TRPC4AP: variants seen among roughly 807,000 people sequenced by gnomAD.
TRPC4AP encodes the protein transient receptor potential cation channel subfamily C member 4 associated protein.
TRPC4AP carries 45 observed loss-of-function variants against 99.0 expected under a neutral mutation model. The ratio of observed to expected loss-of-function variants is 0.45; its 90% CI spans 0.36 to 0.58. The LOEUF (loss-of-function observed/expected upper bound fraction) is 0.58, where lower values mean the gene tolerates loss of function less well. TRPC4AP is among the 20% of genes least tolerant of loss of function. The pLI, the probability that TRPC4AP is intolerant of heterozygous loss-of-function variation, is 0.00. For synonymous variants in TRPC4AP, 408 were observed against 385.8 expected, an observed-to-expected ratio of 1.06 and a Z score of -0.67; for missense variants, 879 against 985.3, an observed-to-expected ratio of 0.89 and a Z score of 1.44.
At chr20:35,074,834 T>C (rs180872711) in intron 2 of TRPC4AP, among the ~76,000 whole-genome samples, 216 of 152,324 alleles carry the variant, frequency 1.4e-3, no homozygotes, top group Non-Finnish European at 2.4e-3. Flanking sequence ...CTGTTAACTT[T>C]CTGTCTCGTT....
chr20:35,060,585 CAAAAAAAAAAAAAAA>C (rs35143678), intron 3 of TRPC4AP, among the ~76,000 whole-genome samples: 2 of 70,382 alleles, frequency 2.8e-5, no homozygotes, highest in Non-Finnish European at 5.1e-5. Flanking sequence ...ACCTTGTCTC[CAAAAAAAAAAAAAAA>C]AAAAAAAAAA....
At chr20:35,075,247 G>C (rs1479594194) in intron 2 of TRPC4AP, among the ~76,000 whole-genome samples, 18 of 152,088 alleles carry the variant, frequency 1.2e-4, no homozygotes, top group Admixed American at 6.5e-5. Flanking sequence ...GGAGCATTTA[G>C]CCCATTTACA....
At chr20:35,084,765 T>C (rs1256499119) in intron 1 of TRPC4AP, among the ~76,000 whole-genome samples, 1 of 150,256 alleles carries the variant, frequency 6.7e-6, no homozygotes, top group Non-Finnish European at 1.5e-5. Flanking sequence ...TATATATGTA[T>C]ATGTATATAT....
rs745518337 is a variant in TRPC4AP at position 35,039,622 on chromosome 20, T to G, written c.866-4314A>C. Among the ~76,000 whole-genome samples, 131 of 152,152 alleles carry G rather than the reference T, an allele frequency of 8.6e-4. 2 individuals are homozygous for G. The highest frequency in any genetic ancestry group is 3.1e-4 in the Non-Finnish European group (21 of 68,020). The stretch of plus-strand genomic sequence containing the variant: ...GTATTCCCCCCATACTCCTGTAGTT[T>G]CCCCTCCTGCTTTCCAGCTTCATGT... On this transcript the variant is annotated intron_variant, in intron 7 of 18. Coordinates refer to ENST00000252015, the MANE Select transcript of TRPC4AP (RefSeq NM_015638.3).
intron 7 of TRPC4AP, among the ~76,000 whole-genome samples, chr20:35,036,995 G>A (rs1241541560): frequency 6.6e-6 from 1 of 151,664 alleles, no homozygotes; most frequent in Non-Finnish European, 1.5e-5. Flanking sequence ...CCCATAATTA[G>A]TGAGTGGCTA....
chr20:35,090,377 C>CTTTT lies in TRPC4AP; in HGVS notation c.168+2233_168+2236dup, dbSNP rs71196792. 1.2e-4 allele frequency among the ~76,000 whole-genome samples: 11 copies of CTTTT among 88,980 alleles called. 2 individuals are homozygous for CTTTT. Among genetic ancestry groups the CTTTT allele is most frequent in the African/African-American group, 1.9e-4 (4 of 21,612 alleles). The allele number at this position is 88,980 out of a possible 152,430, so 58.4% of individuals were successfully genotyped here. On this transcript the variant is annotated intron_variant, in intron 1 of 18. Transcript: ENST00000252015. ...TTCCAGCAGCCTTGTATCTGGTGAGCTTTTTTTTTTTTTTTTTGAGATGAA... is the reference window on the plus strand; with the variant it reads ...TTCCAGCAGCCTTGTATCTGGTGAGCTTTTTTTTTTTTTTTTTTTTTGAGATGAA...
At chr20:35,043,566 C>G (rs1160873364) in intron 7 of TRPC4AP, among the ~76,000 whole-genome samples, 1 of 152,044 alleles carries the variant, frequency 6.6e-6, no homozygotes, top group African/African-American at 2.4e-5. Context: ...TAATCTTGTA[C>G]AGTAGTCCTC....
chr20:35,006,937 A>G (rs1305027582), intron 14 of TRPC4AP, among the ~76,000 whole-genome samples: 1 of 152,260 alleles, frequency 6.6e-6, no homozygotes, highest in African/African-American at 2.4e-5. Context: ...GAGGTCATTC[A>G]AGTAAATGAA....
chr20:35,011,252 G>A (rs914505475), intron 11 of TRPC4AP, among the ~76,000 whole-genome samples: 10 of 151,904 alleles, frequency 6.6e-5, no homozygotes, highest in African/African-American at 1.5e-4. Flanking sequence ...GCAAGATTCC[G>A]TCTTGAAAAA....
At chr20:35,033,118 T>C (rs1484662456) in intron 8 of TRPC4AP, among the ~76,000 whole-genome samples, 2 of 152,022 alleles carry the variant, frequency 1.3e-5, no homozygotes, top group African/African-American at 4.8e-5. Flanking sequence ...TGCTTGAACA[T>C]GGGAGACAGA....
chr20:35,007,117 T>C (rs1038442430), intron 14 of TRPC4AP, among the ~76,000 whole-genome samples: 1 of 152,268 alleles, frequency 6.6e-6, no homozygotes, highest in Non-Finnish European at 1.5e-5. Flanking sequence ...GTTACATTGA[T>C]TTGGATCAAT....
intron 10 of TRPC4AP, among the ~76,000 whole-genome samples, chr20:35,014,095 C>A (rs373504279): frequency 1.3e-5 from 2 of 152,170 alleles, no homozygotes; most frequent in African/African-American, 4.8e-5. Context: ...AAGTGATCTG[C>A]CCGCCTTGGC....
At chr20:35,074,010 A>G (rs933613776) in intron 2 of TRPC4AP, among the ~76,000 whole-genome samples, 1 of 152,162 alleles carries the variant, frequency 6.6e-6, no homozygotes, top group Non-Finnish European at 1.5e-5. Flanking sequence ...GGGAGGGTGT[A>G]TGTGTCCAGG....
At chr20:35,060,230 T>C (rs1228563133) in intron 3 of TRPC4AP, among the ~76,000 whole-genome samples, 1 of 151,902 alleles carries the variant, frequency 6.6e-6, no homozygotes, top group East Asian at 1.9e-4. Flanking sequence ...TACAGATGAG[T>C]ATCTCATGCA....
At chr20:35,032,229 T>C (rs1052635930) in intron 8 of TRPC4AP, among the ~76,000 whole-genome samples, 2 of 152,124 alleles carry the variant, frequency 1.3e-5, no homozygotes, top group Non-Finnish European at 2.9e-5. Context: ...TTTGCCATGT[T>C]GGCCTGGCCA....
At chr20:35,022,938 G>C (rs940426400) in intron 8 of TRPC4AP, among the ~76,000 whole-genome samples, 1 of 151,754 alleles carries the variant, frequency 6.6e-6, no homozygotes, top group South Asian at 2.1e-4. Flanking sequence ...TGGAAGGATC[G>C]CTTGAGCCTG....
In TRPC4AP at chr20:35,054,983, C is replaced by T; in HGVS notation, c.521G>A (p.Cys174Tyr). The T allele has an allele frequency of 6.2e-7, 1 of 1,613,510 alleles. No homozygotes were observed. The highest frequency in any genetic ancestry group is 8.5e-7 in the Non-Finnish European group (1 of 1,179,610). ...AGTGGCAGGGGTACTTACACAGACA[C>T]AGGTATTATACAGGATACTCAAGCA... is the stretch of plus-strand genomic sequence containing the variant. ...KDCLSILYNT[C>Y]VCTEGVTKRL... Residue 174 changes from cysteine (C) to tyrosine (Y), a missense_variant, in exon 5 of 19, where the codon TGT becomes TAT. Transcript: ENST00000252015.
At chr20:35,038,555 A>C (rs2083375579) in intron 7 of TRPC4AP, among the ~76,000 whole-genome samples, 1 of 151,684 alleles carries the variant, frequency 6.6e-6, no homozygotes, top group Admixed American at 6.6e-5. Context: ...AGAGAGCAGC[A>C]CTTATTTTAT....
intron 3 of TRPC4AP, among the ~76,000 whole-genome samples, chr20:35,066,240 GACTGCAGGCCATGTGCT>G (rs1220602692): frequency 6.6e-6 from 1 of 151,968 alleles, no homozygotes; most frequent in African/African-American, 2.4e-5. Flanking sequence ...AAGCAACTGG[GACTGCAGGCCATGTGCT>G]ACCACAATCG....
Sources: gnomAD v4.1 joint callset for allele counts (sites outside exome capture counted in the v4.1 genomes callset) on GRCh38, gnomAD v4.1.1 for gene constraint, MANE v1.5 for transcripts, NCBI Gene and HGNC (gene_info 2026-07-23, HGNC 2026-07-21) for gene names.